The following GOLGA3 variants were observed in gnomAD, a reference collection of about 807,000 sequenced individuals.
The protein encoded by GOLGA3 is golgin subfamily A member 3.
GOLGA3 carries 75 observed loss-of-function variants against 169.4 expected under a neutral mutation model. That is an observed-to-expected ratio of 0.44 (90% CI 0.37 to 0.54). GOLGA3 has a LOEUF of 0.54. GOLGA3 is among the 20% of genes least tolerant of loss of function. GOLGA3 has a pLI of 0.00. For missense variants in GOLGA3, 1,899 were observed against 1,930.0 expected, an observed-to-expected ratio of 0.98 and a Z score of 0.30; for synonymous variants, 824 against 822.4, an observed-to-expected ratio of 1.00 and a Z score of -0.03.
intron 6 of GOLGA3, among the ~76,000 whole-genome samples, chr12:132,805,953 T>C (rs879399450): frequency 1.5e-4 from 23 of 152,124 alleles, no homozygotes; most frequent in Non-Finnish European, 2.4e-4. Context: ...GCTGCCTAAG[T>C]GCGGCTCCAG....
chr12:132,791,830 G>A (rs936567290), intron 11 of GOLGA3, among the ~76,000 whole-genome samples: 1 of 137,790 alleles, frequency 7.3e-6, no homozygotes, highest in African/African-American at 2.6e-5. Context: ...GAGAGCTCCA[G>A]GAAAGGACAC....
chr12:132,824,427 G>C (rs189511474), intron 1 of GOLGA3, among the ~76,000 whole-genome samples: 54 of 152,334 alleles, frequency 3.5e-4, no homozygotes, highest in African/African-American at 1.3e-3. Context: ...TATGCTATTA[G>C]TGTAAAACTA....
At chr12:132,806,752 G>A (rs1352019592) in intron 6 of GOLGA3, among the ~76,000 whole-genome samples, 2 of 152,180 alleles carry the variant, frequency 1.3e-5, no homozygotes, top group African/African-American at 2.4e-5. Context: ...CTGAAATAAG[G>A]GATGGAAAAT....
intron 1 of GOLGA3, chr12:132,826,238 TC>T (rs1457172436): frequency 4.8e-5 from 41 of 845,672 alleles, no homozygotes; most frequent in South Asian, 2.5e-4. Context: ...TTTCTCATTC[TC>T]CAAAAAAAAA....
intron 9 of GOLGA3, among the ~76,000 whole-genome samples, chr12:132,797,666 C>T (rs571782782): frequency 3.6e-4 from 55 of 151,978 alleles, no homozygotes; most frequent in African/African-American, 1.2e-3. Flanking sequence ...GAGCCAAGAT[C>T]GCACCACTGC....
intron 3 of GOLGA3, among the ~76,000 whole-genome samples, chr12:132,816,169 G>C (rs1949951939): frequency 6.6e-6 from 1 of 152,174 alleles, no homozygotes; most frequent in Non-Finnish European, 1.5e-5. Context: ...CTGCAGTCCG[G>C]CCTGGGCGAA....
Position 132,804,903 on chromosome 12 carries a change from C to A in GOLGA3, c.1410G>T (p.Val470=). The change falls in exon 7 of 24, where the codon GTG becomes GTT. Residue 470 remains valine, a synonymous_variant. Transcript: ENST00000450791. This position sits in a 1 kb window ranked among gnomAD's most constrained non-coding sequence, Gnocchi z 4.1. ...QQRQDSLSSE[V]DTLKQSCWDL... is the part of the protein sequence containing the mutation. ...CCCAGCACGACTGCTTCAGGGTGTC[C>A]ACCTCCGAGCTCAGCGAATCCTGCC... 1 of 1,613,976 alleles carries A rather than the reference C, an allele frequency of 6.2e-7. No individual in the cohort carries two copies. Among genetic ancestry groups the A allele is most frequent in the Non-Finnish European group, 8.5e-7 (1 of 1,180,016 alleles).
chr12:132,807,657 G>C (rs1350883822), intron 5 of GOLGA3, among the ~76,000 whole-genome samples: 2 of 152,198 alleles, frequency 1.3e-5, no homozygotes, highest in East Asian at 3.9e-4. Flanking sequence ...ACTAAGGATA[G>C]AATCAGGAAG....
intron 11 of GOLGA3, among the ~76,000 whole-genome samples, chr12:132,792,944 G>C (rs1165940617): frequency 1.6e-5 from 2 of 127,914 alleles, no homozygotes; most frequent in African/African-American, 3.0e-5. Context: ...ACCTGCACTC[G>C]GAGGGCTCCA....
At position 132,783,088 on chromosome 12, in the gene GOLGA3, CAGG is replaced by C. The variant is rs2045696642; in HGVS notation, c.3268-598_3268-596del. 4.6e-5 allele frequency among the ~76,000 whole-genome samples: 7 copies of C among 152,098 alleles called. No homozygotes were observed. In the South Asian group the frequency reaches 1.2e-3, roughly 27 times the overall value. On this transcript the variant is annotated intron_variant, in intron 16 of 23. Transcript: ENST00000450791. Reference sequence around the variant, plus strand: ...GCGATCACCTGTAGTTCCAGCTACTCAGGAGAATGAGGCGGGAAAATCACTTGA... The same window carrying C: ...GCGATCACCTGTAGTTCCAGCTACTCAGAATGAGGCGGGAAAATCACTTGA...
intron 18 of GOLGA3, among the ~76,000 whole-genome samples, chr12:132,778,553 A>T (rs914252755): frequency 1.3e-4 from 20 of 151,714 alleles, no homozygotes; most frequent in African/African-American, 4.3e-4. Context: ...CCTGGGCGAC[A>T]GAGCGAGACT....
At chr12:132,797,536 C>T (rs1206987428) in intron 9 of GOLGA3, among the ~76,000 whole-genome samples, 1 of 152,182 alleles carries the variant, frequency 6.6e-6, no homozygotes, top group East Asian at 1.9e-4. Flanking sequence ...CATGGCGAGA[C>T]CCCGTCTCTA....
intron 1 of GOLGA3, among the ~76,000 whole-genome samples, chr12:132,823,448 C>T (rs1319272405): frequency 6.6e-6 from 1 of 152,210 alleles, no homozygotes; most frequent in African/African-American, 2.4e-5. Flanking sequence ...ATTACACAAC[C>T]TTCGCCTCTA....
At chr12:132,796,415 C>T in intron 10 of GOLGA3, 124 bp downstream of exon 10, 1 of 1,250,326 alleles carries the variant, frequency 8.0e-7, no homozygotes, top group Non-Finnish European at 1.1e-6. Flanking sequence ...TGACCGACAG[C>T]CCAACTCCCA....
intron 4 of GOLGA3, among the ~76,000 whole-genome samples, chr12:132,811,610 G>C (rs1949709653): frequency 6.6e-6 from 1 of 151,750 alleles, no homozygotes; most frequent in South Asian, 2.1e-4. Context: ...ACAGGGGTGT[G>C]CCATCACATC....
chr12:132,791,117 T>C, intron 12 of GOLGA3, 99 bp downstream of exon 12: 2 of 488,990 alleles, frequency 4.1e-6, no homozygotes. Flanking sequence ...GTTACCTTCT[T>C]CTCAACTTCA....
Position 132,807,933 on chromosome 12 carries a change from ACCT to A in GOLGA3, c.1133_1135del (p.Glu378del). The A allele has an allele frequency of 6.3e-7, 1 of 1,586,434 alleles. No homozygotes were observed. The highest frequency in any genetic ancestry group is 1.1e-5 in the South Asian group (1 of 90,344). ...TCTCCGACTCCGCACCTCCCCGTTG[ACCT>A]CCTGCCCCTGGTCTTGGTGCTCAGC... On this transcript the variant is annotated inframe_deletion, in exon 5 of 24. Coordinates refer to ENST00000450791, the MANE Select transcript of GOLGA3 (RefSeq NM_001389683.1).
chr12:132,807,292 G>C lies in GOLGA3; in HGVS notation c.1179-4C>G, dbSNP rs371553009. On this transcript the variant is annotated splice_polypyrimidine_tract_variant and splice_region_variant and intron_variant, in intron 5 of 23. Coordinates refer to ENST00000450791, the MANE Select transcript of GOLGA3 (RefSeq NM_001389683.1). The stretch of plus-strand genomic sequence containing the variant: ...TGCAGAGCTCTCCAAGGACACGCTG[G>C]GGACAAAGGCACGGGTCAGGCCTGT... 2.6e-6 allele frequency: 4 copies of C among 1,527,956 alleles called. No individual in the cohort carries two copies. Among genetic ancestry groups the C allele is most frequent in the Admixed American group, 3.8e-5 (2 of 51,996 alleles). 94.6% of individuals were successfully genotyped at this position (1,527,956 alleles called of 1,614,324 possible).
At chr12:132,785,111 C>T (rs560470220) in intron 15 of GOLGA3, among the ~76,000 whole-genome samples, 7 of 152,318 alleles carry the variant, frequency 4.6e-5, no homozygotes, top group South Asian at 4.1e-4. Flanking sequence ...TCACCACTTG[C>T]GAGGGGTGAA....
Sources: allele counts gnomAD v4.1 joint callset (sites outside exome capture counted in the v4.1 genomes callset), GRCh38; gene constraint gnomAD v4.1.1; non-coding constraint Gnocchi (gnomAD v3.1); transcripts MANE v1.5; gene names NCBI Gene and HGNC (gene_info 2026-07-23, HGNC 2026-07-21).